ACOX3: variants seen among roughly 807,000 people sequenced by gnomAD.
ACOX3 encodes peroxisomal acyl-coenzyme A oxidase 3.
A neutral mutation model predicts 81.5 loss-of-function variants in ACOX3; 73 were observed. That is an observed-to-expected ratio of 0.90 (90% CI 0.74 to 1.09). ACOX3 has a LOEUF of 1.09. Among genes scored for constraint, ACOX3 ranks in the 50% least tolerant of loss-of-function variants. The pLI, the probability that ACOX3 is intolerant of heterozygous loss-of-function variation, is 0.00. For synonymous variants in ACOX3, 387 were observed against 375.1 expected, an observed-to-expected ratio of 1.03 and a Z score of -0.37; for missense variants, 947 against 928.0, an observed-to-expected ratio of 1.02 and a Z score of -0.27.
At chr4:8,373,210 C>A (rs1189124054) in intron 16 of ACOX3, among the ~76,000 whole-genome samples, 1 of 152,206 alleles carries the variant, frequency 6.6e-6, no homozygotes, top group Non-Finnish European at 1.5e-5. Flanking sequence ...TCTGGAGACG[C>A]CCCGACAGGT....
chr4:8,383,005 AAG>A (rs1397626821), intron 13 of ACOX3, among the ~76,000 whole-genome samples: 5,874 of 145,048 alleles, frequency 0.04, 286 homozygotes, highest in African/African-American at 0.065. Context: ...AAAAAAAAAA[AAG>A]AAAAGAAAAT....
At chr4:8,361,426 A>C (rs6847891), downstream of ACOX3, among the ~76,000 whole-genome samples, 6,315 of 48,880 alleles carry the variant, frequency 0.13, 196 homozygotes, top group Non-Finnish European at 0.16. Flanking sequence ...ACTCTATCTC[A>C]AAAAAAAAAA....
At chr4:8,418,498 A>G (rs532545455) in intron 1 of ACOX3, among the ~76,000 whole-genome samples, 15 of 152,176 alleles carry the variant, frequency 9.9e-5, no homozygotes, top group African/African-American at 2.9e-4. Context: ...ACTCAATAAT[A>G]AAATGACAAA....
In ACOX3 at chr4:8,434,991, C is replaced by T. The variant is rs1369028220; in HGVS notation, c.-15+5657G>A. The stretch of plus-strand genomic sequence containing the variant: ...TTGTAGTGTGAATGTTGTTTTGTCT[C>T]AAGAGAAAAATAGGTCAAACACAAA... On this transcript the variant is annotated intron_variant, in intron 1 of 17. Transcript: ENST00000356406. 5.9e-5 allele frequency among the ~76,000 whole-genome samples: 9 copies of T among 151,884 alleles called. 1 individual carries two copies. The highest frequency in any genetic ancestry group is 2.2e-4 in the African/African-American group (9 of 41,388).
chr4:8,373,033 T>G (rs862345), intron 16 of ACOX3, among the ~76,000 whole-genome samples: 1 of 151,920 alleles, frequency 6.6e-6, no homozygotes, highest in African/African-American at 2.4e-5. Flanking sequence ...CGGATCAGAA[T>G]GTGGGGTTGG....
chr4:8,405,434 CAT>C lies in ACOX3; in HGVS notation c.776+519_776+520del, dbSNP rs1720829485. Among the ~76,000 whole-genome samples, 1 of 152,226 alleles carries C rather than the reference CAT, an allele frequency of 6.6e-6. No individual in the cohort carries two copies. The highest frequency in any genetic ancestry group is 2.1e-4 in the South Asian group (1 of 4,832). ...CCTTGGCCACACCAACCCGGTGTCACATGTGTGCTGCTAAATAGATATATGTG... is the reference window on the plus strand; with the variant it reads ...CCTTGGCCACACCAACCCGGTGTCACGTGTGCTGCTAAATAGATATATGTG... On this transcript the variant is annotated intron_variant, in intron 7 of 17. Coordinates refer to ENST00000356406, the MANE Select transcript of ACOX3 (RefSeq NM_003501.3). This position sits in a 1 kb window ranked among gnomAD's most constrained non-coding sequence, Gnocchi z 7.1.
chr4:8,361,159 C>G, the ACOX3 span, among the ~76,000 whole-genome samples: 3 of 151,970 alleles, frequency 2.0e-5, no homozygotes, highest in Non-Finnish European at 4.4e-5. Flanking sequence ...CGCGGTGGCT[C>G]ACGCCCGTAA....
chr4:8,401,945 T>G (rs1385052754), intron 7 of ACOX3, among the ~76,000 whole-genome samples: 1 of 152,236 alleles, frequency 6.6e-6, no homozygotes, highest in African/African-American at 2.4e-5. Flanking sequence ...TCAACGTTCC[T>G]GGTTCCTGGG....
chr4:8,366,595 A>G lies in ACOX3; in HGVS notation c.*366T>C, dbSNP rs1233041695. ...TGGAGCTCGGTAAAAAATCTAGATG[A>G]ATCACAGGTTGTCTGACCAGAAGAT... On this transcript the variant is annotated 3_prime_UTR_variant, in exon 18 of 18. Coordinates refer to ENST00000356406, the MANE Select transcript of ACOX3 (RefSeq NM_003501.3). 3 of 173,894 alleles carry G rather than the reference A, an allele frequency of 1.7e-5. No homozygotes were observed. The highest frequency in any genetic ancestry group is 5.8e-5 in the Admixed American group (1 of 17,184). The allele number at this position is 173,894 out of a possible 1,614,324, so 10.8% of individuals were successfully genotyped here.
intron 17 of ACOX3, among the ~76,000 whole-genome samples, chr4:8,369,168 T>G (rs1221807029): frequency 6.6e-6 from 1 of 152,130 alleles, no homozygotes; most frequent in African/African-American, 2.4e-5. Context: ...TCAAGGCCGC[T>G]CCGGCTTCTC....
At chr4:8,397,232 A>C (rs1719813776) in intron 8 of ACOX3, 113 bp from the exon 9 acceptor site, 1 of 1,078,254 alleles carries the variant, frequency 9.3e-7, no homozygotes, top group East Asian at 3.0e-5. Flanking sequence ...ACCTGTGCCC[A>C]CCTGCCCAGG....
chr4:8,376,381 A>T (rs1214910478), intron 14 of ACOX3, among the ~76,000 whole-genome samples: 1 of 151,744 alleles, frequency 6.6e-6, no homozygotes, highest in Non-Finnish European at 1.5e-5. Flanking sequence ...GTGATGAAAT[A>T]TGGTGTATGG....
intron 1 of ACOX3, among the ~76,000 whole-genome samples, chr4:8,420,769 C>T (rs910945400): frequency 3.3e-5 from 5 of 152,214 alleles, no homozygotes; most frequent in South Asian, 2.1e-4. Flanking sequence ...TCATCGCCAT[C>T]GCAGACCCAC....
At position 8,373,446 on chromosome 4, in the gene ACOX3, G is replaced by GC. The variant is rs200462884; in HGVS notation, c.1896+114_1896+115insG. ...GGTGACGCTAAGGGGGTGCGTGTCA[G>GC]TCTGGGTGATACTAAGGCGGTGCGT... On this transcript the variant is annotated intron_variant, in intron 16 of 17. Transcript: ENST00000356406. The GC allele has an allele frequency of 4.1e-4, 456 of 1,105,122 alleles. 2 individuals carry two copies. The African/African-American group carries it at 6.6e-3, about 16-fold the overall frequency. 68.5% of individuals were successfully genotyped at this position (1,105,122 alleles called of 1,614,324 possible). A position where few individuals can be genotyped will look rare whatever the true frequency, so the allele number is the denominator to read the frequency against.
In ACOX3 at chr4:8,371,093, A is replaced by G. The variant is rs368506453; in HGVS notation, c.1897-99T>C. 3.1e-5 allele frequency: 34 copies of G among 1,104,618 alleles called. 1 individual carries two copies. Among genetic ancestry groups the G allele is most frequent in the East Asian group, 2.5e-4 (10 of 40,192 alleles). 68.4% of individuals were successfully genotyped at this position (1,104,618 alleles called of 1,614,324 possible). A position where few individuals can be genotyped will look rare whatever the true frequency, so the allele number is the denominator to read the frequency against. On this transcript the variant is annotated intron_variant, in intron 16 of 17. Coordinates refer to ENST00000356406, the MANE Select transcript of ACOX3 (RefSeq NM_003501.3). ...TGTGTGGTTGCCAGGACCCACTAGC[A>G]ACGGGTCACCTGAGCGGCACGTGCG...
intron 9 of ACOX3, among the ~76,000 whole-genome samples, chr4:8,396,247 G>A (rs1271939484): frequency 3.3e-5 from 5 of 152,216 alleles, no homozygotes; most frequent in Admixed American, 6.5e-5. Context: ...CACCTGCCAG[G>A]AATCATTTCT....
chr4:8,401,048 A>G (rs2108907795), intron 7 of ACOX3, among the ~76,000 whole-genome samples: 1 of 151,844 alleles, frequency 6.6e-6, no homozygotes, highest in Non-Finnish European at 1.5e-5. Context: ...AGATTCTCAT[A>G]AGGAGCGCTC....
chr4:8,357,655 A>G, the ACOX3 span: 1 of 281,580 alleles, frequency 3.6e-6, no homozygotes, highest in Non-Finnish European at 6.9e-6. Flanking sequence ...CAAAAAATGT[A>G]GTTTCCAGAA....
At chr4:8,375,384 G>A (rs1337292230) in intron 14 of ACOX3, among the ~76,000 whole-genome samples, 2 of 152,202 alleles carry the variant, frequency 1.3e-5, no homozygotes, top group Non-Finnish European at 2.9e-5. Context: ...CTCCACCGAC[G>A]CCCTCCAAGG....
Sources: gnomAD v4.1 joint callset for allele counts (sites outside exome capture counted in the v4.1 genomes callset) on GRCh38, gnomAD v4.1.1 for gene constraint, Gnocchi (gnomAD v3.1) non-coding constraint, MANE v1.5 for transcripts, NCBI Gene and HGNC (gene_info 2026-07-23, HGNC 2026-07-21) for gene names.